Variants in FHIT observed in about 807,000 individuals in gnomAD.
FHIT encodes the protein fragile histidine triad diadenosine triphosphatase, also known as bis(5'-adenosyl)-triphosphatase.
FHIT carries 19 observed loss-of-function variants against 17.9 expected under a neutral mutation model. The ratio of observed to expected loss-of-function variants is 1.06; its 90% CI spans 0.74 to 1.56. FHIT has a LOEUF of 1.56. FHIT is among the 40% of genes most tolerant of loss of function. FHIT has a pLI of 0.00. For synonymous variants in FHIT, 81 were observed against 69.7 expected (o/e 1.16, Z -0.81); for missense variants, 248 against 189.2 (o/e 1.31, Z -1.82).
intron 4 of FHIT, among the ~76,000 whole-genome samples, chr3:60,775,700 G>A (rs532554968): frequency 4.3e-4 from 65 of 152,172 alleles, no homozygotes; most frequent in Admixed American, 7.2e-4. Flanking sequence ...TCTCCCTTCT[G>A]AGTCTTCTCA....
At chr3:59,785,211 G>A (rs547558368) in intron 8 of FHIT, among the ~76,000 whole-genome samples, 1 of 152,140 alleles carries the variant, frequency 6.6e-6, no homozygotes, top group South Asian at 2.1e-4. Flanking sequence ...TTCGACATGA[G>A]ATTTGGTGGG....
At chr3:60,354,477 C>G (rs968545889) in intron 5 of FHIT, among the ~76,000 whole-genome samples, 1 of 152,078 alleles carries the variant, frequency 6.6e-6, no homozygotes, top group African/African-American at 2.4e-5. Context: ...AAGCCCCAAG[C>G]CAACCCAGTC....
At chr3:60,523,750 G>A (rs1002465402) in intron 5 of FHIT, among the ~76,000 whole-genome samples, 2 of 152,194 alleles carry the variant, frequency 1.3e-5, no homozygotes, top group African/African-American at 4.8e-5. Flanking sequence ...AGCCTGGCTG[G>A]AATCCACATG....
At chr3:59,986,121 C>T (rs1448918882) in intron 7 of FHIT, among the ~76,000 whole-genome samples, 1 of 151,960 alleles carries the variant, frequency 6.6e-6, no homozygotes, top group East Asian at 1.9e-4. Context: ...CTATCAATAG[C>T]GGTTCACACT....
chr3:60,063,703 C>T (rs1362844289), intron 5 of FHIT, among the ~76,000 whole-genome samples: 1 of 152,180 alleles, frequency 6.6e-6, no homozygotes, highest in Non-Finnish European at 1.5e-5. Context: ...TTCACAAACC[C>T]TTTAACCCAG....
chr3:59,755,974 T>C (rs532299050), intron 8 of FHIT, among the ~76,000 whole-genome samples: 2 of 152,300 alleles, frequency 1.3e-5, no homozygotes, highest in African/African-American at 4.8e-5. Flanking sequence ...GTCTCAGTTT[T>C]CCCCTTTGTA....
chr3:59,868,498 C>T (rs1211337353), intron 8 of FHIT, among the ~76,000 whole-genome samples: 1 of 152,166 alleles, frequency 6.6e-6, no homozygotes, highest in Non-Finnish European at 1.5e-5. Context: ...TGAATCACAC[C>T]ATCCTGCTAT....
intron 4 of FHIT, among the ~76,000 whole-genome samples, chr3:60,566,662 T>C (rs2037145963): frequency 6.6e-6 from 1 of 152,084 alleles, no homozygotes; most frequent in South Asian, 2.1e-4. Flanking sequence ...AAAGAGGAAG[T>C]CAAATTGTCC....
intron 2 of FHIT, among the ~76,000 whole-genome samples, chr3:61,168,134 A>G (rs1320640198): frequency 6.6e-6 from 1 of 152,216 alleles, no homozygotes; most frequent in East Asian, 1.9e-4. Flanking sequence ...ATGACACATG[A>G]AAGTTTTATA....
intron 5 of FHIT, among the ~76,000 whole-genome samples, chr3:60,140,137 G>A (rs1228370115): frequency 6.6e-6 from 1 of 151,680 alleles, no homozygotes; most frequent in African/African-American, 2.4e-5. Flanking sequence ...AAAAAAATTG[G>A]TTAATTGTAG....
chr3:60,013,553 C>T (rs983506757), intron 6 of FHIT, among the ~76,000 whole-genome samples: 2 of 152,162 alleles, frequency 1.3e-5, no homozygotes, highest in African/African-American at 4.8e-5. Context: ...GTGAATCTAG[C>T]TTCTAACTAA....
chr3:60,124,003 TATATATAGAGAG>T (rs1408198875), intron 5 of FHIT, among the ~76,000 whole-genome samples: 5 of 24,584 alleles, frequency 2.0e-4, no homozygotes, highest in African/African-American at 5.2e-4. Flanking sequence ...TATATATATA[TATATATAGAGAG>T]AGAGAGAGAG....
At chr3:60,633,622 G>A (rs755146996) in intron 4 of FHIT, among the ~76,000 whole-genome samples, 2 of 152,112 alleles carry the variant, frequency 1.3e-5, no homozygotes, top group African/African-American at 2.4e-5. Context: ...AAGCTATTCC[G>A]CGATGACTGT....
In FHIT at chr3:59,939,060, C is replaced by T. The variant is rs1313558413; in HGVS notation, c.280-16646G>A. On this transcript the variant is annotated intron_variant, in intron 7 of 9. Transcript: ENST00000492590. ...ACGATGAATACTGCTAAAGCAATAA[C>T]AATAAAAGAGGCAACAGACAGTGGG... 2.0e-5 allele frequency among the ~76,000 whole-genome samples: 3 copies of T among 152,262 alleles called. No homozygotes were observed. In the East Asian group the frequency reaches 5.8e-4, roughly 29 times the overall value.
At chr3:60,964,376 C>T (rs1709608881) in intron 3 of FHIT, among the ~76,000 whole-genome samples, 1 of 151,970 alleles carries the variant, frequency 6.6e-6, no homozygotes, top group African/African-American at 2.4e-5. Context: ...TGGGTCTTGA[C>T]TCTTTATCCA....
At chr3:60,996,186 T>A (rs188045312) in intron 3 of FHIT, among the ~76,000 whole-genome samples, 3 of 152,346 alleles carry the variant, frequency 2.0e-5, no homozygotes, top group Admixed American at 2.0e-4. Flanking sequence ...GCAAGTTATT[T>A]AACTGTGAAG....
intron 3 of FHIT, among the ~76,000 whole-genome samples, chr3:60,897,380 A>G (rs538340818): frequency 6.6e-6 from 1 of 152,252 alleles, no homozygotes; most frequent in East Asian, 1.9e-4. Context: ...TATTAGCAAT[A>G]TTAGCATTTT....
Position 61,051,840 on chromosome 3 carries a change from A to G in FHIT, c.-163-9741T>C, listed in dbSNP as rs571731798. ...TTCCAAAGTAGAGTCAAAATTCATG[A>G]GGCAGGGCAAAAGTTACACTGCATC... On this transcript the variant is annotated intron_variant, in intron 2 of 9. Transcript: ENST00000492590. Among the ~76,000 whole-genome samples the G allele has an allele frequency of 3.3e-5, 5 of 152,332 alleles. No homozygotes were observed. The East Asian group carries it at 9.6e-4, about 29-fold the overall frequency.
At chr3:60,575,267 AG>A (rs1173452711) in intron 4 of FHIT, among the ~76,000 whole-genome samples, 1 of 152,208 alleles carries the variant, frequency 6.6e-6, no homozygotes, top group Non-Finnish European at 1.5e-5. Context: ...GGGCTGAGAA[AG>A]GTATGTCGGA....
Sources: allele counts gnomAD v4.1 joint callset (sites outside exome capture counted in the v4.1 genomes callset), GRCh38; gene constraint gnomAD v4.1.1; transcripts MANE v1.5; gene names NCBI Gene and HGNC (gene_info 2026-07-23, HGNC 2026-07-21).